COL23A1: variants seen among roughly 807,000 people sequenced by gnomAD.
The protein encoded by COL23A1 is collagen alpha-1(XXIII) chain.
In COL23A1, 97 loss-of-function variants were observed where a neutral mutation model predicts 99.3. The observed-to-expected ratio is 0.98, with a 90% CI of 0.83 to 1.16. COL23A1 has a LOEUF of 1.16. Ranked by LOEUF, COL23A1 falls within the 50% of genes most tolerant of loss-of-function variation. The pLI is 0.00. For missense variants in COL23A1, 762 were observed against 757.4 expected (o/e 1.01, Z -0.07); for synonymous variants, 320 against 308.2 (o/e 1.04, Z -0.40).
At chr5:178,549,822 C>CAAAACA (rs1208623727) in intron 2 of COL23A1, among the ~76,000 whole-genome samples, 49 of 150,530 alleles carry the variant, frequency 3.3e-4, no homozygotes, top group African/African-American at 1.1e-3. Flanking sequence ...TCTCAAAAAA[C>CAAAACA]AAAACAAAAA....
chr5:178,246,049 G>T, intron 24 of COL23A1, 81 bp from the exon 25 acceptor site: 1 of 1,530,354 alleles, frequency 6.5e-7, no homozygotes, highest in Non-Finnish European at 9.0e-7. Flanking sequence ...AGCCCTGTGG[G>T]TTGGCCACAG....
intron 1 of COL23A1, among the ~76,000 whole-genome samples, chr5:178,576,406 T>G (rs1292053072): frequency 6.6e-6 from 1 of 152,164 alleles, no homozygotes; most frequent in African/African-American, 2.4e-5. Context: ...GCCTGATTTT[T>G]GTATTTTTAG....
At chr5:178,536,636 TC>T (rs1170642715) in intron 2 of COL23A1, among the ~76,000 whole-genome samples, 1 of 152,046 alleles carries the variant, frequency 6.6e-6, no homozygotes, top group East Asian at 1.9e-4. Context: ...CAGCACTGAG[TC>T]CCAGGCCCTG....
intron 2 of COL23A1, among the ~76,000 whole-genome samples, chr5:178,360,342 T>C (rs1329357683): frequency 6.6e-6 from 1 of 152,222 alleles, no homozygotes; most frequent in Non-Finnish European, 1.5e-5. Context: ...CTTTATTAGA[T>C]TGCAAAATCT....
At chr5:178,494,652 G>A (rs968371233) in intron 2 of COL23A1, among the ~76,000 whole-genome samples, 2 of 152,214 alleles carry the variant, frequency 1.3e-5, no homozygotes, top group African/African-American at 4.8e-5. Context: ...TCCAGCCTGG[G>A]CGACATCCAT....
chr5:178,248,868 A>G (rs572226747), intron 19 of COL23A1, among the ~76,000 whole-genome samples: 12 of 152,192 alleles, frequency 7.9e-5, no homozygotes, highest in Admixed American at 5.2e-4. Context: ...ACGCGCTCCC[A>G]TGGCCACAGC....
chr5:178,469,494 GTGC>G, intron 2 of COL23A1, among the ~76,000 whole-genome samples: 1 of 152,076 alleles, frequency 6.6e-6, no homozygotes, highest in Non-Finnish European at 1.5e-5. Flanking sequence ...AATTCTGCAG[GTGC>G]ATCAGTTCCA....
At chr5:178,558,016 G>C (rs1458881607) in intron 2 of COL23A1, among the ~76,000 whole-genome samples, 5 of 151,544 alleles carry the variant, frequency 3.3e-5, no homozygotes, top group Non-Finnish European at 7.4e-5. Flanking sequence ...TGGAGTTCCT[G>C]GGACAGCATC....
intron 3 of COL23A1, among the ~76,000 whole-genome samples, chr5:178,294,885 T>C (rs1231580201): frequency 6.6e-6 from 1 of 152,192 alleles, no homozygotes; most frequent in African/African-American, 2.4e-5. Context: ...CTCACGCCTA[T>C]AATCCCAGCA....
intron 2 of COL23A1, among the ~76,000 whole-genome samples, chr5:178,369,938 T>C (rs1052074516): frequency 4.6e-5 from 7 of 152,196 alleles, no homozygotes; most frequent in African/African-American, 1.7e-4. Context: ...GGCAAGACCT[T>C]AGGTTCCAGG....
chr5:178,377,746 G>A (rs1763155948), intron 2 of COL23A1, among the ~76,000 whole-genome samples: 2 of 152,226 alleles, frequency 1.3e-5, no homozygotes, highest in Non-Finnish European at 2.9e-5. Flanking sequence ...GAGAGAGCAG[G>A]TGCAGGGCAG....
chr5:178,534,854 A>G (rs1760848074), intron 2 of COL23A1, among the ~76,000 whole-genome samples: 1 of 151,894 alleles, frequency 6.6e-6, no homozygotes, highest in Non-Finnish European at 1.5e-5. Context: ...CCTGCCCCAC[A>G]CTCTCATTAA....
chr5:178,385,285 T>TC (rs1177080936), intron 2 of COL23A1, among the ~76,000 whole-genome samples: 1 of 151,758 alleles, frequency 6.6e-6, no homozygotes, highest in Admixed American at 6.6e-5. Flanking sequence ...AATGCTTCCC[T>TC]CCCCCCAGGT....
chr5:178,363,115 G>A (rs1049957400), intron 2 of COL23A1, among the ~76,000 whole-genome samples: 5 of 151,674 alleles, frequency 3.3e-5, no homozygotes, highest in African/African-American at 1.2e-4. Flanking sequence ...CAAGTTGGCT[G>A]TTTTTATGAC....
rs143018994 is a variant in COL23A1, at chr5:178,512,324, T to C, written c.361+48358A>G. 2.6e-3 allele frequency among the ~76,000 whole-genome samples: 403 copies of C among 152,354 alleles called. 2 individuals carry two copies. Among genetic ancestry groups the C allele is most frequent in the African/African-American group, 9.5e-3 (393 of 41,584 alleles). ...ATGTTTACTGTGTAACTCTGTTTTG[T>C]GAGAACTTTATCTATACATTGAGAC... On this transcript the variant is annotated intron_variant, in intron 2 of 28. Coordinates refer to ENST00000390654, the MANE Select transcript of COL23A1 (RefSeq NM_173465.4).
chr5:178,435,181 T>C (rs1266329461), intron 2 of COL23A1, among the ~76,000 whole-genome samples: 1 of 152,214 alleles, frequency 6.6e-6, no homozygotes, highest in African/African-American at 2.4e-5. Flanking sequence ...TGGAACCAGA[T>C]CCTGGAGTCC....
chr5:178,425,011 T>C (rs965138322), intron 2 of COL23A1, among the ~76,000 whole-genome samples: 2 of 152,216 alleles, frequency 1.3e-5, no homozygotes, highest in Admixed American at 1.3e-4. Flanking sequence ...CTTCAGCCTC[T>C]CTCCACCGAC....
At chr5:178,421,697 G>A (rs565632538) in intron 2 of COL23A1, among the ~76,000 whole-genome samples, 45 of 152,214 alleles carry the variant, frequency 3.0e-4, no homozygotes, top group African/African-American at 1.0e-3. Flanking sequence ...GGTGAAACCC[G>A]TCTCTACAAA....
chr5:178,557,733 A>AGAGCCTTG, intron 2 of COL23A1, among the ~76,000 whole-genome samples: 1 of 152,202 alleles, frequency 6.6e-6, no homozygotes, highest in East Asian at 1.9e-4. Flanking sequence ...GACACGCTGG[A>AGAGCCTTG]GAGCCTTGGA....
Sources: gnomAD v4.1 joint callset for allele counts (sites outside exome capture counted in the v4.1 genomes callset) on GRCh38, gnomAD v4.1.1 for gene constraint, MANE v1.5 for transcripts, NCBI Gene and HGNC (gene_info 2026-07-23, HGNC 2026-07-21) for gene names.